The following ANO6 variants were observed in gnomAD, a reference collection of about 807,000 sequenced individuals.
The protein encoded by ANO6 is anoctamin 6, also known as anoctamin-6.
A neutral mutation model predicts 117.5 loss-of-function variants in ANO6; 106 were observed. That is an observed-to-expected ratio of 0.90 (90% CI 0.77 to 1.06). The LOEUF (loss-of-function observed/expected upper bound fraction) is 1.06, where lower values mean the gene tolerates loss of function less well. Among genes scored for constraint, ANO6 ranks in the 50% least tolerant of loss-of-function variants. The probability of loss-of-function intolerance (pLI) is 0.00; values close to 1 mark genes in which losing one functional copy is unlikely to be tolerated. For synonymous variants in ANO6, 367 were observed against 385.1 expected (o/e 0.95, Z 0.55); for missense variants, 955 against 1,121.1 (o/e 0.85, Z 2.12).
At chr12:45,424,566 A>C (rs544415670) in intron 19 of ANO6, among the ~76,000 whole-genome samples, 1 of 151,948 alleles carries the variant, frequency 6.6e-6, no homozygotes, top group East Asian at 1.9e-4. Context: ...CAAACTCCTG[A>C]CCTCAAGTGA....
At chr12:45,240,351 A>ATTT (rs57126852) in intron 1 of ANO6, among the ~76,000 whole-genome samples, 2 of 30,738 alleles carry the variant, frequency 6.5e-5, no homozygotes, top group Admixed American at 4.4e-4. Flanking sequence ...GCAACCCCTG[A>ATTT]TTTTTTTTTT....
chr12:45,384,922 A>G (rs972646782), intron 10 of ANO6, among the ~76,000 whole-genome samples: 3 of 152,242 alleles, frequency 2.0e-5, no homozygotes, highest in Non-Finnish European at 4.4e-5. Context: ...ACATCTGTAC[A>G]GGAGGTACTG....
intron 1 of ANO6, among the ~76,000 whole-genome samples, chr12:45,231,609 G>T (rs1387331242): frequency 5.3e-5 from 8 of 152,082 alleles, no homozygotes; most frequent in African/African-American, 1.9e-4. Flanking sequence ...TTCTCTTACT[G>T]CATTTAGAAT....
intron 12 of ANO6, among the ~76,000 whole-genome samples, chr12:45,398,612 C>T (rs776304177): frequency 6.6e-6 from 1 of 152,100 alleles, no homozygotes; most frequent in African/African-American, 2.4e-5. Context: ...TATTTATATA[C>T]ACACATATAT....
intron 1 of ANO6, among the ~76,000 whole-genome samples, chr12:45,277,628 T>C (rs938994746): frequency 1.2e-4 from 18 of 151,854 alleles, no homozygotes; most frequent in Non-Finnish European, 4.4e-5. Flanking sequence ...AGGCAGGTAA[T>C]TTTTTTTTAA....
At chr12:45,420,984 C>T (rs944916351) in intron 17 of ANO6, 87 bp from the exon 18 acceptor site, 26 of 1,421,774 alleles carry the variant, frequency 1.8e-5, no homozygotes, top group Middle Eastern at 2.4e-4. Context: ...GAGATCGTGC[C>T]ATGCAGCCTG....
At chr12:45,413,568 A>G (rs1943140099) in intron 16 of ANO6, among the ~76,000 whole-genome samples, 1 of 152,248 alleles carries the variant, frequency 6.6e-6, no homozygotes, top group Non-Finnish European at 1.5e-5. Context: ...AGAGATGGAC[A>G]GAGAATTGAT....
In ANO6 at chr12:45,254,495, A is replaced by G. The variant is rs1393061118; in HGVS notation, c.70+38104A>G. Among the ~76,000 whole-genome samples the G allele has an allele frequency of 2.6e-5, 4 of 152,338 alleles. No individual in the cohort carries two copies. The South Asian group carries it at 6.2e-4, about 24-fold the overall frequency. On this transcript the variant is annotated intron_variant, in intron 1 of 19. Coordinates refer to ENST00000320560, the MANE Select transcript of ANO6 (RefSeq NM_001025356.3). ...CTCCTAGAAGACAGGACTGCAGAGCACTGGATGGTTTGTTGAAGGCGTCAT... is the reference window on the plus strand; with the variant it reads ...CTCCTAGAAGACAGGACTGCAGAGCGCTGGATGGTTTGTTGAAGGCGTCAT...
intron 1 of ANO6, among the ~76,000 whole-genome samples, chr12:45,234,653 T>A (rs1947620406): frequency 6.6e-6 from 1 of 152,224 alleles, no homozygotes. Flanking sequence ...TTTCCACTCT[T>A]AGTCATCTTC....
chr12:45,414,657 C>T (rs1161508812), intron 16 of ANO6, among the ~76,000 whole-genome samples: 1 of 152,158 alleles, frequency 6.6e-6, no homozygotes, highest in African/African-American at 2.4e-5. Context: ...CCAGAGCTAT[C>T]CCATTTTATT....
At chr12:45,305,235 A>C (rs1033565644) in intron 2 of ANO6, among the ~76,000 whole-genome samples, 1 of 152,198 alleles carries the variant, frequency 6.6e-6, no homozygotes, top group African/African-American at 2.4e-5. Flanking sequence ...GTAAGAGTCC[A>C]GGTGAAAGGG....
chr12:45,396,308 G>A (rs565492277), intron 12 of ANO6, among the ~76,000 whole-genome samples: 1 of 152,224 alleles, frequency 6.6e-6, no homozygotes, highest in South Asian at 2.1e-4. Flanking sequence ...CTTCTTCAAG[G>A]AGAACTACAA....
intron 1 of ANO6, among the ~76,000 whole-genome samples, chr12:45,237,055 T>C (rs1312081248): frequency 2.0e-5 from 3 of 152,220 alleles, no homozygotes; most frequent in Admixed American, 6.5e-5. Flanking sequence ...TCATATCCTT[T>C]ACCCACTTTT....
At chr12:45,311,687 A>G (rs1018846320) in intron 2 of ANO6, among the ~76,000 whole-genome samples, 1 of 152,122 alleles carries the variant, frequency 6.6e-6, no homozygotes, top group Non-Finnish European at 1.5e-5. Flanking sequence ...TTTTGTCATA[A>G]TTAAAATACC....
chr12:45,350,804 G>T, intron 7 of ANO6, 30 bp downstream of exon 7: 2 of 1,564,170 alleles, frequency 1.3e-6, no homozygotes, highest in South Asian at 1.1e-5. Context: ...ACTCCAGGGG[G>T]AGGCACTCAG....
At chr12:45,220,452 C>T (rs937968749) in intron 1 of ANO6, among the ~76,000 whole-genome samples, 5 of 152,186 alleles carry the variant, frequency 3.3e-5, no homozygotes, top group Non-Finnish European at 7.3e-5. Flanking sequence ...TTACCTACTT[C>T]AGGTTTAATC....
At chr12:45,371,561 C>A (rs1941836114) in intron 9 of ANO6, among the ~76,000 whole-genome samples, 1 of 152,030 alleles carries the variant, frequency 6.6e-6, no homozygotes, top group African/African-American at 2.4e-5. Flanking sequence ...CCCCTGACCC[C>A]CGAGCAGCCT....
intron 17 of ANO6, 40 bp from the exon 18 acceptor site, chr12:45,421,031 A>G: frequency 6.2e-7 from 1 of 1,606,264 alleles, no homozygotes; most frequent in East Asian, 2.2e-5. Flanking sequence ...AAAACAAAAA[A>G]CTATAACTTC....
rs770523604 is a variant in ANO6, at chr12:45,429,201, C to G, written c.2623C>G (p.Gln875Glu). Residue 875 changes from glutamine (Q) to glutamate (E), a missense_variant, in exon 20 of 20, where the codon CAA becomes GAA. Transcript: ENST00000320560. ...SKIQREKYLT[Q>E]KLLHENHLKD... ...GATCCAGAGAGAAAAATACCTAACC[C>G]AAAAGCTTCTTCATGAGAATCACCT... The G allele has an allele frequency of 1.2e-6, 2 of 1,613,874 alleles. No individual in the cohort carries two copies. The highest frequency in any genetic ancestry group is 1.7e-6 in the Non-Finnish European group (2 of 1,179,940).
Sources: gnomAD v4.1 joint callset for allele counts (sites outside exome capture counted in the v4.1 genomes callset) on GRCh38, gnomAD v4.1.1 for gene constraint, MANE v1.5 for transcripts, NCBI Gene and HGNC (gene_info 2026-07-23, HGNC 2026-07-21) for gene names.